The following PRMT9 variants were observed in gnomAD, a reference collection of about 807,000 sequenced individuals.
PRMT9 encodes protein arginine methyltransferase 9, also known as protein arginine N-methyltransferase 9.
Under a neutral mutation model 83.2 loss-of-function variants are expected in PRMT9, and 59 were observed. That is an observed-to-expected ratio of 0.71 (90% CI 0.57 to 0.88). The LOEUF (loss-of-function observed/expected upper bound fraction) is 0.88, where lower values mean the gene tolerates loss of function less well. Among genes scored for constraint, PRMT9 ranks in the 40% least tolerant of loss-of-function variants. PRMT9 has a pLI of 0.00. For missense variants in PRMT9, 947 were observed against 1,021.9 expected (o/e 0.93, Z 1.00); for synonymous variants, 333 against 353.2 (o/e 0.94, Z 0.64).
rs752420514 is a variant in PRMT9, at chr4:147,684,005, TGG to T, written c.-20_-19del. The stretch of plus-strand genomic sequence containing the variant: ...TTCGACATGGCAGTCACCACTTGTA[TGG>T]CCAAAGGGAAGATATTTTGTAAACG... On this transcript the variant is annotated 5_prime_UTR_variant, in exon 1 of 12. Coordinates refer to ENST00000322396, the MANE Select transcript of PRMT9 (RefSeq NM_138364.4). 9.2e-5 allele frequency: 149 copies of T among 1,611,488 alleles called. 1 individual carries two copies. In the East Asian group the frequency reaches 3.2e-3, roughly 34 times the overall value.
chr4:147,683,692 C>G (rs1736651579), intron 1 of PRMT9, 107 bp downstream of exon 1: 1 of 1,069,174 alleles, frequency 9.4e-7, no homozygotes. Flanking sequence ...TAACAGCAAC[C>G]ACCCACCCAG....
rs78404750 is a variant in PRMT9, at chr4:147,680,856, T to C, written c.190-385A>G. Among the ~76,000 whole-genome samples, 584 of 152,382 alleles carry C rather than the reference T, an allele frequency of 3.8e-3. 2 individuals are homozygous for C. The highest frequency in any genetic ancestry group is 6.8e-3 in the Middle Eastern group (2 of 294). On this transcript the variant is annotated intron_variant, in intron 1 of 11. Transcript: ENST00000322396. ...TTATCACCCATGTGTTAATGGATGC[T>C]ACATTTACATCTCTAGTCAAGACCT...
intron 1 of PRMT9, among the ~76,000 whole-genome samples, chr4:147,682,705 T>C (rs1281299152): frequency 6.6e-6 from 1 of 152,212 alleles, no homozygotes. Context: ...TGAGGAAAGA[T>C]CACTTGAGTT....
intron 9 of PRMT9, among the ~76,000 whole-genome samples, chr4:147,645,086 T>C (rs1733645360): frequency 6.6e-6 from 1 of 152,138 alleles, no homozygotes; most frequent in African/African-American, 2.4e-5. Flanking sequence ...GAACTAAACA[T>C]TTCACCAACA....
chr4:147,643,844 T>C (rs371274757), intron 9 of PRMT9, among the ~76,000 whole-genome samples: 47 of 151,824 alleles, frequency 3.1e-4, no homozygotes, highest in Admixed American at 1.2e-3. Context: ...ATAAATAAAC[T>C]AGCCAGGTGT....
rs79773653 is a variant in PRMT9, at chr4:147,676,662, C to G, written c.339-2788G>C. ...ACTCCCTAGGCCATGTTAATTAAGA[C>G]TATTAAAATGCCTTGCAGTTACATT... On this transcript the variant is annotated intron_variant, in intron 2 of 11. Coordinates refer to ENST00000322396, the MANE Select transcript of PRMT9 (RefSeq NM_138364.4). Among the ~76,000 whole-genome samples the G allele has an allele frequency of 2.6e-5, 4 of 152,252 alleles. No individual in the cohort carries two copies. In the East Asian group the frequency reaches 7.7e-4, roughly 29 times the overall value.
At chr4:147,659,272 G>A (rs1462744119) in intron 7 of PRMT9, among the ~76,000 whole-genome samples, 2 of 151,536 alleles carry the variant, frequency 1.3e-5, no homozygotes, top group East Asian at 3.9e-4. Flanking sequence ...ATGGTGGTGG[G>A]TGCCTGTAAT....
At chr4:147,638,786 T>G in intron 11 of PRMT9, 39 bp from the exon 12 acceptor site, 1 of 1,470,972 alleles carries the variant, frequency 6.8e-7, no homozygotes, top group Non-Finnish European at 9.4e-7. Context: ...TCAGAGTGCA[T>G]AGAGTAGACT....
chr4:147,656,000 TA>T lies in PRMT9; in HGVS notation c.1331-1435del, dbSNP rs1279199174. 5.2e-4 allele frequency among the ~76,000 whole-genome samples: 79 copies of T among 152,178 alleles called. 1 individual carries two copies. The highest frequency in any genetic ancestry group is 5.3e-4 in the Non-Finnish European group (36 of 68,032). On this transcript the variant is annotated intron_variant, in intron 8 of 11. Coordinates refer to ENST00000322396, the MANE Select transcript of PRMT9 (RefSeq NM_138364.4). ...ACTGTGGTCGGCATTTTATACCCAC[TA>T]TCTCTAAGAATCCCTATAACAGTGC...
At chr4:147,658,308 T>TAG (rs1006280642) in intron 7 of PRMT9, among the ~76,000 whole-genome samples, 2 of 146,648 alleles carry the variant, frequency 1.4e-5, no homozygotes, top group African/African-American at 2.5e-5. Flanking sequence ...TGGAGGGGGG[T>TAG]AGAGAGAGAG....
chr4:147,654,898 G>A (rs970438448), intron 8 of PRMT9, among the ~76,000 whole-genome samples: 3 of 152,134 alleles, frequency 2.0e-5, no homozygotes, highest in African/African-American at 7.2e-5. Context: ...TACTGCAGGG[G>A]ACTCTATCAT....
At chr4:147,650,462 A>G (rs1417238000) in intron 9 of PRMT9, among the ~76,000 whole-genome samples, 1 of 152,198 alleles carries the variant, frequency 6.6e-6, no homozygotes, top group Non-Finnish European at 1.5e-5. Context: ...GAATAAACCT[A>G]CCTAGGAATA....
chr4:147,663,298 G>A (rs368704197), intron 6 of PRMT9, among the ~76,000 whole-genome samples: 63 of 151,916 alleles, frequency 4.1e-4, no homozygotes, highest in East Asian at 9.7e-4. Context: ...ATGAACCACC[G>A]CGCCCAGCCT....
At chr4:147,647,819 TTTCCCTAC>T (rs1287893859) in intron 9 of PRMT9, among the ~76,000 whole-genome samples, 1 of 152,102 alleles carries the variant, frequency 6.6e-6, no homozygotes, top group Non-Finnish European at 1.5e-5. Context: ...CCACCTAAAC[TTTCCCTAC>T]TGCAACTCCT....
Position 147,639,100 on chromosome 4 carries a change from T to A in PRMT9, c.2200-18A>T. 1 of 1,612,772 alleles carries A rather than the reference T, an allele frequency of 6.2e-7. No homozygotes were observed. The highest frequency in any genetic ancestry group is 8.5e-7 in the Non-Finnish European group (1 of 1,179,150). Reference sequence around the variant, plus strand: ...ATAGGTACCTAGAGAAAGTATAAATTTTTCACTTTCACTTTTTCTTTTTGT... The same window carrying A: ...ATAGGTACCTAGAGAAAGTATAAATATTTCACTTTCACTTTTTCTTTTTGT... On this transcript the variant is annotated intron_variant, in intron 10 of 11. Transcript: ENST00000322396.
In PRMT9 at chr4:147,684,005, T is replaced by C; in HGVS notation, c.-18A>G. The C allele has an allele frequency of 2.5e-6, 4 of 1,611,488 alleles. No individual in the cohort carries two copies. On this transcript the variant is annotated 5_prime_UTR_variant, in exon 1 of 12. Transcript: ENST00000322396. ...TTCGACATGGCAGTCACCACTTGTA[T>C]GGCCAAAGGGAAGATATTTTGTAAA...
At chr4:147,649,681 T>C (rs376419288) in intron 9 of PRMT9, among the ~76,000 whole-genome samples, 1 of 152,124 alleles carries the variant, frequency 6.6e-6, no homozygotes, top group African/African-American at 2.4e-5. Context: ...TTTTTTTTAT[T>C]TTTAGTAGAA....
At chr4:147,650,975 G>A (rs764063706) in intron 9 of PRMT9, among the ~76,000 whole-genome samples, 4 of 152,056 alleles carry the variant, frequency 2.6e-5, no homozygotes, top group South Asian at 2.1e-4. Context: ...GGTGGCATGC[G>A]CCTGTAGTCC....
chr4:147,681,937 C>G (rs539824122), intron 1 of PRMT9, among the ~76,000 whole-genome samples: 1 of 152,132 alleles, frequency 6.6e-6, no homozygotes, highest in Non-Finnish European at 1.5e-5. Context: ...AGACTTTGTT[C>G]GGCAGGAAAC....
Sources: gnomAD v4.1 joint callset for allele counts (sites outside exome capture counted in the v4.1 genomes callset) on GRCh38, gnomAD v4.1.1 for gene constraint, MANE v1.5 for transcripts, NCBI Gene and HGNC (gene_info 2026-07-23, HGNC 2026-07-21) for gene names.